Variants in PIK3C2A observed in about 807,000 individuals in gnomAD.
PIK3C2A encodes the protein phosphatidylinositol-4-phosphate 3-kinase catalytic subunit type 2 alpha, also known as phosphatidylinositol 4-phosphate 3-kinase C2 domain-containing subunit alpha.
In PIK3C2A, 97 loss-of-function variants were observed where a neutral mutation model predicts 204.5. That is an observed-to-expected ratio of 0.47 (90% confidence interval 0.40 to 0.56). PIK3C2A has a LOEUF of 0.56. Ranked by LOEUF, PIK3C2A falls within the 20% of genes least tolerant of loss-of-function variation. The probability of loss-of-function intolerance (pLI) is 0.00; values close to 1 mark genes in which losing one functional copy is unlikely to be tolerated. For missense variants in PIK3C2A, 1,735 were observed against 1,969.2 expected (o/e 0.88, Z 2.25); for synonymous variants, 653 against 664.4 (o/e 0.98, Z 0.26).
At chr11:17,145,043 A>G (rs1366206695) in intron 8 of PIK3C2A, among the ~76,000 whole-genome samples, 4 of 151,752 alleles carry the variant, frequency 2.6e-5, no homozygotes, top group African/African-American at 9.7e-5. Flanking sequence ...CTGTACCTCC[A>G]TTGTATCCAG....
chr11:17,176,549 G>T (rs1221206581), intron 1 of PIK3C2A, among the ~76,000 whole-genome samples: 1 of 152,084 alleles, frequency 6.6e-6, no homozygotes, highest in East Asian at 1.9e-4. Context: ...GAGGCTTTGA[G>T]AGGCCAAGGC....
rs762505470 is a variant in PIK3C2A at position 17,101,437 on chromosome 11, AT to A, written c.3852-4del. 6.8e-7 allele frequency: 1 copy of A among 1,480,578 alleles called. No homozygotes were observed. The highest frequency in any genetic ancestry group is 1.4e-5 in the South Asian group (1 of 74,024). 91.7% of individuals were successfully genotyped at this position (1,480,578 alleles called of 1,614,324 possible). On this transcript the variant is annotated splice_polypyrimidine_tract_variant and splice_region_variant and intron_variant, in intron 24 of 32. Coordinates refer to ENST00000691414, the MANE Select transcript of PIK3C2A (RefSeq NM_002645.4). Reference sequence around the variant, plus strand: ...TCAGCACAAAAGGAGCCCGATCCCTATTTAAAATGAAAGTACATACAAAATA... The same window carrying A: ...TCAGCACAAAAGGAGCCCGATCCCTATTAAAATGAAAGTACATACAAAATA...
At chr11:17,198,816 CAA>C (rs57876134) in intron 1 of PIK3C2A, among the ~76,000 whole-genome samples, 86,386 of 148,234 alleles carry the variant, frequency 0.58, 24,993 homozygotes, top group East Asian at 0.82. Flanking sequence ...CAAAACAAAA[CAA>C]AAAAAAAAAG....
chr11:17,153,481 T>C (rs1850484369), intron 3 of PIK3C2A, among the ~76,000 whole-genome samples: 1 of 149,352 alleles, frequency 6.7e-6, no homozygotes, highest in South Asian at 2.1e-4. Context: ...AACTAGTAGA[T>C]ATAGCAAGCT....
intron 15 of PIK3C2A, among the ~76,000 whole-genome samples, chr11:17,120,456 C>T (rs755844149): frequency 1.3e-5 from 2 of 151,744 alleles, no homozygotes; most frequent in Non-Finnish European, 2.9e-5. Flanking sequence ...CAAATGTTTA[C>T]GTGAATGAAA....
intron 1 of PIK3C2A, among the ~76,000 whole-genome samples, chr11:17,188,885 T>C (rs615358): frequency 0.53 from 77,944 of 145,918 alleles, 23,466 homozygotes; most frequent in East Asian, 0.82. Context: ...GAGAAAAAGC[T>C]CTCCACGGCA....
chr11:17,119,380 AAC>A, intron 16 of PIK3C2A, 67 bp from the exon 17 acceptor site: 2 of 890,700 alleles, frequency 2.2e-6, no homozygotes. Context: ...ATTTTTTGAA[AAC>A]ACAATCTCAA....
intron 3 of PIK3C2A, among the ~76,000 whole-genome samples, 190 bp from the exon 4 acceptor site, chr11:17,150,845 A>T (rs1029804484): frequency 6.6e-6 from 1 of 152,166 alleles, no homozygotes; most frequent in African/African-American, 2.4e-5. Flanking sequence ...AATAAAAGAA[A>T]CCCAAGGAAA....
intron 22 of PIK3C2A, among the ~76,000 whole-genome samples, chr11:17,105,977 T>C (rs1242712205): frequency 6.6e-6 from 1 of 150,866 alleles, no homozygotes; most frequent in Admixed American, 6.6e-5. Context: ...GGCGTGGTGG[T>C]AGGCACCTGT....
chr11:17,159,833 C>T (rs781250286), intron 2 of PIK3C2A, among the ~76,000 whole-genome samples: 2 of 152,086 alleles, frequency 1.3e-5, no homozygotes, highest in Non-Finnish European at 2.9e-5. Flanking sequence ...AGTTGCAGAA[C>T]GCAGGAAGGG....
intron 13 of PIK3C2A, 104 bp downstream of exon 13, chr11:17,129,196 C>T (rs1477498988): frequency 2.5e-6 from 2 of 814,494 alleles, no homozygotes; most frequent in Admixed American, 2.3e-5. Flanking sequence ...TGAAGAGGCT[C>T]ATTCACTCAT....
Position 17,199,430 on chromosome 11 carries a change from T to C in PIK3C2A, c.-66+8418A>G, listed in dbSNP as rs1346061714. Among the ~76,000 whole-genome samples, 5 of 152,282 alleles carry C rather than the reference T, an allele frequency of 3.3e-5. No homozygotes were observed. In the East Asian group the frequency reaches 7.7e-4, roughly 24 times the overall value. On this transcript the variant is annotated intron_variant, in intron 1 of 32. Transcript: ENST00000691414. The stretch of plus-strand genomic sequence containing the variant: ...TACACTAATACTCATAGCAGCATTG[T>C]TTATAATAGCCAAAAGGTGAAAACA...
In PIK3C2A at chr11:17,170,070, C is replaced by T. The variant is rs575783106; in HGVS notation, c.-65-264G>A. 5.3e-5 allele frequency among the ~76,000 whole-genome samples: 8 copies of T among 152,280 alleles called. No homozygotes were observed. In the South Asian group the frequency reaches 1.7e-3, roughly 32 times the overall value. On this transcript the variant is annotated intron_variant, in intron 1 of 32. Coordinates refer to ENST00000691414, the MANE Select transcript of PIK3C2A (RefSeq NM_002645.4). Reference sequence around the variant, plus strand: ...GCTGGCACAGTAAATGAACTTTAGACGCTTTCATTTTAGCAGTCAAAATGG... The same window carrying T: ...GCTGGCACAGTAAATGAACTTTAGATGCTTTCATTTTAGCAGTCAAAATGG...
chr11:17,119,479 C>T (rs1293766159), intron 16 of PIK3C2A, among the ~76,000 whole-genome samples, 166 bp from the exon 17 acceptor site: 1 of 152,102 alleles, frequency 6.6e-6, no homozygotes, highest in Non-Finnish European at 1.5e-5. Context: ...TCTTATTGTG[C>T]TATACAGATT....
rs17847717 is a variant in PIK3C2A, at chr11:17,134,650, C to A, written c.2108+169G>T. On this transcript the variant is annotated intron_variant, in intron 11 of 32. Transcript: ENST00000691414. ...TGCTGGGATTACAGGCATGAGCCAC[C>A]GTGCCTGACTGGCTAATTTTTTTAA... Among the ~76,000 whole-genome samples the A allele has an allele frequency of 7.9e-4, 121 of 152,262 alleles. 3 individuals carry two copies. In the East Asian group the frequency reaches 0.022, roughly 27 times the overall value.
intron 19 of PIK3C2A, among the ~76,000 whole-genome samples, chr11:17,116,091 C>G (rs2137328702): frequency 6.6e-6 from 1 of 152,036 alleles, no homozygotes; most frequent in South Asian, 2.1e-4. Context: ...TTAAAGGACA[C>G]TATTAAGGAA....
At chr11:17,120,812 T>C (rs1199381164) in intron 15 of PIK3C2A, among the ~76,000 whole-genome samples, 1 of 152,132 alleles carries the variant, frequency 6.6e-6, no homozygotes, top group East Asian at 1.9e-4. Context: ...CATTTTTATT[T>C]ATTTTATTTT....
At chr11:17,163,626 T>C (rs909243709) in intron 2 of PIK3C2A, among the ~76,000 whole-genome samples, 5 of 151,832 alleles carry the variant, frequency 3.3e-5, no homozygotes, top group South Asian at 2.1e-4. Context: ...ATTCCCCAGA[T>C]TGGTCTCGAA....
intron 11 of PIK3C2A, among the ~76,000 whole-genome samples, chr11:17,132,609 G>A (rs1473179916): frequency 6.6e-6 from 1 of 152,028 alleles, no homozygotes; most frequent in Non-Finnish European, 1.5e-5. Flanking sequence ...GATTACAGGC[G>A]TGAGCCACCG....
Sources: allele counts gnomAD v4.1 joint callset (sites outside exome capture counted in the v4.1 genomes callset), GRCh38; gene constraint gnomAD v4.1.1; transcripts MANE v1.5; gene names NCBI Gene and HGNC (gene_info 2026-07-23, HGNC 2026-07-21).